PIR: variants seen among roughly 807,000 people sequenced by gnomAD.
PIR encodes pirin.
Under a neutral mutation model 24.2 loss-of-function variants are expected in PIR, and 22 were observed. The ratio of observed to expected loss-of-function variants is 0.91; its 90% CI spans 0.65 to 1.30. The LOEUF (loss-of-function observed/expected upper bound fraction) is 1.30, where lower values mean the gene tolerates loss of function less well. Ranked by LOEUF, PIR falls within the 50% of genes most tolerant of loss-of-function variation. The pLI is 0.00. For synonymous variants in PIR, 80 were observed against 79.6 expected (o/e 1.00, Z -0.03); for missense variants, 220 against 220.3 (o/e 1.00, Z 0.01).
intron 2 of PIR, among the ~76,000 whole-genome samples, chrX:15,482,833 C>A (rs1033754255): frequency 9.9e-5 from 11 of 111,429 alleles, no homozygotes; most frequent in African/African-American, 9.8e-5. Flanking sequence ...ATTACTTACA[C>A]CTTAAATATT....
At chrX:15,416,603 A>G (rs2147023177) in intron 6 of PIR, among the ~76,000 whole-genome samples, 1 of 111,696 alleles carries the variant, frequency 9.0e-6, no homozygotes, top group South Asian at 3.8e-4. Context: ...GTATTGCCCT[A>G]TATAATTCCC....
chrX:15,468,793 G>C (rs927034272), intron 3 of PIR, among the ~76,000 whole-genome samples: 16 of 112,258 alleles, frequency 1.4e-4, no homozygotes, highest in African/African-American at 5.2e-4. Flanking sequence ...AAAAATAAAA[G>C]TTAAATTTTG....
chrX:15,404,766 C>G (rs748471291), intron 7 of PIR, among the ~76,000 whole-genome samples: 1 of 111,735 alleles, frequency 8.9e-6, no homozygotes, highest in South Asian at 3.8e-4. Flanking sequence ...AACCGCCCCC[C>G]CATTAGGGTG....
At chrX:15,480,804 G>A (rs906967603) in intron 2 of PIR, among the ~76,000 whole-genome samples, 3 of 112,766 alleles carry the variant, frequency 2.7e-5, no homozygotes, top group Non-Finnish European at 3.8e-5. Flanking sequence ...ATGGGCAGAC[G>A]ATGGAGGACA....
chrX:15,474,986 T>C lies in PIR; in HGVS notation c.189+4743A>G, dbSNP rs1602295597. On this transcript the variant is annotated intron_variant, in intron 3 of 9. Coordinates refer to ENST00000380420, the MANE Select transcript of PIR (RefSeq NM_001018109.3). The stretch of plus-strand genomic sequence containing the variant: ...TGCTCCCTGAACAATAGAGAGTCTT[T>C]ATGATATTGAAAAAGTATCCTTTCC... Among the ~76,000 whole-genome samples the C allele has an allele frequency of 4.5e-5, 5 of 111,571 alleles. No homozygotes were observed. In the East Asian group the frequency reaches 1.1e-3, roughly 25 times the overall value.
chrX:15,385,603 A>G (rs1923718924), intron 9 of PIR, among the ~76,000 whole-genome samples: 1 of 112,288 alleles, frequency 8.9e-6, no homozygotes, highest in African/African-American at 3.2e-5. Flanking sequence ...TATTGACAAT[A>G]AACAGAAGAT....
intron 3 of PIR, among the ~76,000 whole-genome samples, chrX:15,477,439 A>G (rs1922251595): frequency 8.9e-6 from 1 of 112,009 alleles, no homozygotes; most frequent in African/African-American, 3.3e-5. Context: ...TGATCAATAC[A>G]TGACTTTGTT....
rs748098271 is a variant in PIR, at chrX:15,434,252, AAAG to A, written c.481-8265_481-8263del. On this transcript the variant is annotated intron_variant, in intron 5 of 9. Coordinates refer to ENST00000380420, the MANE Select transcript of PIR (RefSeq NM_001018109.3). Reference sequence around the variant, plus strand: ...AGATAGAAGAAGGAGGAGGAAGGAGAAAGAAGAAGGAGGAGGAGAAAGAAGAAA... The same window carrying A: ...AGATAGAAGAAGGAGGAGGAAGGAGAAAGAAGGAGGAGGAGAAAGAAGAAA... 1.6e-3 allele frequency among the ~76,000 whole-genome samples: 158 copies of A among 98,551 alleles called. 2 individuals are homozygous for A. The highest frequency in any genetic ancestry group is 5.6e-3 in the African/African-American group (149 of 26,466). 85.6% of individuals were successfully genotyped at this position (98,551 alleles called of 115,157 possible).
chrX:15,432,865 G>A (rs1925555471), intron 5 of PIR, among the ~76,000 whole-genome samples: 1 of 112,048 alleles, frequency 8.9e-6, no homozygotes, highest in South Asian at 3.7e-4. Context: ...AATATATTTG[G>A]AGATAGAAAG....
chrX:15,407,279 AG>A (rs1443842021), intron 7 of PIR, among the ~76,000 whole-genome samples: 2 of 112,217 alleles, frequency 1.8e-5, no homozygotes, highest in East Asian at 5.6e-4. Context: ...ATCTGTGCAC[AG>A]GATGTGTCAT....
intron 7 of PIR, among the ~76,000 whole-genome samples, chrX:15,400,465 C>T (rs1024964984): frequency 7.2e-5 from 8 of 111,563 alleles, no homozygotes; most frequent in African/African-American, 2.0e-4. Flanking sequence ...TAAACCCCTT[C>T]GCTATGTTTT....
At chrX:15,401,387 C>T (rs759967299) in intron 7 of PIR, among the ~76,000 whole-genome samples, 1 of 100,269 alleles carries the variant, frequency 1.0e-5, no homozygotes, top group South Asian at 3.8e-4. Flanking sequence ...ACACTGGAGT[C>T]AGGGTTCCAG....
intron 1 of PIR, among the ~76,000 whole-genome samples, 164 bp from the exon 2 acceptor site, chrX:15,491,473 A>G (rs1923157121): frequency 8.9e-6 from 1 of 112,011 alleles, no homozygotes; most frequent in Non-Finnish European, 1.9e-5. Context: ...AACAACCATA[A>G]TGATGGTGAA....
intron 6 of PIR, 183 bp from the exon 7 acceptor site, chrX:15,407,733 C>T: frequency 2.3e-6 from 1 of 429,818 alleles, no homozygotes; most frequent in Non-Finnish European, 4.1e-6. Context: ...CATTCTCTTT[C>T]TCACACACAA....
chrX:15,478,998 G>T (rs1342832338), intron 3 of PIR, among the ~76,000 whole-genome samples: 1 of 112,255 alleles, frequency 8.9e-6, no homozygotes, highest in Admixed American at 9.4e-5. Flanking sequence ...AGGAAGTAAC[G>T]ATCCCTGAGC....
intron 5 of PIR, among the ~76,000 whole-genome samples, chrX:15,429,084 CT>C (rs1569200574): frequency 9.0e-6 from 1 of 111,694 alleles, no homozygotes; most frequent in Non-Finnish European, 1.9e-5. Flanking sequence ...GGTTAACTCG[CT>C]GTATTCTTGC....
chrX:15,401,991 C>T (rs1407847131), intron 7 of PIR, among the ~76,000 whole-genome samples: 2 of 112,524 alleles, frequency 1.8e-5, no homozygotes, highest in Non-Finnish European at 3.7e-5. Context: ...GACAGTCAAA[C>T]TGCTTCAAAC....
At chrX:15,404,250 C>T (rs1924488318) in intron 7 of PIR, among the ~76,000 whole-genome samples, 2 of 112,151 alleles carry the variant, frequency 1.8e-5, no homozygotes, top group South Asian at 7.4e-4. Context: ...ATCTGCCTGC[C>T]TCAGCCTCCC....
At chrX:15,399,934 G>A (rs1372596120) in intron 7 of PIR, among the ~76,000 whole-genome samples, 3 of 111,890 alleles carry the variant, frequency 2.7e-5, no homozygotes, top group Middle Eastern at 4.6e-3. Context: ...AGAGGAAGTA[G>A]TGTGCTGGAT....
Sources: gnomAD v4.1 joint callset for allele counts (sites outside exome capture counted in the v4.1 genomes callset) on GRCh38, gnomAD v4.1.1 for gene constraint, MANE v1.5 for transcripts, NCBI Gene and HGNC (gene_info 2026-07-23, HGNC 2026-07-21) for gene names.